The following CDON variants were observed in gnomAD, a reference collection of about 807,000 sequenced individuals.
The protein encoded by CDON is cell adhesion associated, oncogene regulated.
In CDON, 73 loss-of-function variants were observed where a neutral mutation model predicts 120.9. The ratio of observed to expected loss-of-function variants is 0.60; its 90% CI spans 0.50 to 0.73. The LOEUF (loss-of-function observed/expected upper bound fraction) is 0.73, where lower values mean the gene tolerates loss of function less well. Among genes scored for constraint, CDON ranks in the 30% least tolerant of loss-of-function variants. The pLI is 0.00. For missense variants in CDON, 1,470 were observed against 1,587.3 expected (o/e 0.93, Z 1.26); for synonymous variants, 566 against 573.5 (o/e 0.99, Z 0.19).
chr11:125,956,888 G>C lies in CDON; in HGVS notation c.*4054C>G. On this transcript the variant is annotated 3_prime_UTR_variant, in exon 20 of 20. Coordinates refer to ENST00000531738, the MANE Select transcript of CDON (RefSeq NM_001378964.1). ...GGCTACCCTCAAAGCTCTCAGGACTGGGGCTAGGGTTTAAGGAAGGCTTAT... is the reference window on the plus strand; with the variant it reads ...GGCTACCCTCAAAGCTCTCAGGACTCGGGCTAGGGTTTAAGGAAGGCTTAT... 1.0e-6 allele frequency: 1 copy of C among 981,020 alleles called. No homozygotes were observed. Among genetic ancestry groups the C allele is most frequent in the Non-Finnish European group, 1.2e-6 (1 of 825,938 alleles). The allele number at this position is 981,020 out of a possible 1,614,324, so 60.8% of individuals were successfully genotyped here. A position where few individuals can be genotyped will look rare whatever the true frequency, so the allele number is the denominator to read the frequency against.
At chr11:125,972,322 G>A (rs932349495) in intron 18 of CDON, among the ~76,000 whole-genome samples, 2 of 152,106 alleles carry the variant, frequency 1.3e-5, no homozygotes, top group Non-Finnish European at 2.9e-5. Flanking sequence ...CAGCTACTAA[G>A]GAGGCTGAGG....
chr11:126,057,789 C>T (rs184669952), intron 1 of CDON, among the ~76,000 whole-genome samples: 84 of 152,316 alleles, frequency 5.5e-4, no homozygotes, highest in African/African-American at 1.5e-3. Context: ...TATTGTTTCA[C>T]GTGCCCGCAC....
intron 7 of CDON, chr11:126,010,900 C>T: frequency 1.6e-6 from 1 of 630,082 alleles, no homozygotes; most frequent in East Asian, 3.2e-5. Context: ...CTAAACATTT[C>T]CTACGTAAAT....
chr11:126,052,120 CAAAAA>C (rs72072070), intron 1 of CDON, among the ~76,000 whole-genome samples: 7 of 150,956 alleles, frequency 4.6e-5, no homozygotes, highest in African/African-American at 7.4e-5. Flanking sequence ...CAAAACAAAA[CAAAAA>C]AAACTTTAGC....
At chr11:126,055,597 CTA>C (rs1948662253) in intron 1 of CDON, among the ~76,000 whole-genome samples, 1 of 152,140 alleles carries the variant, frequency 6.6e-6, no homozygotes, top group Admixed American at 6.5e-5. Context: ...CTTTCTCCTC[CTA>C]TATGAGTTAT....
rs780791664 is a variant in CDON, at chr11:125,961,093, G to A, written c.3644C>T (p.Ala1215Val). The A allele has an allele frequency of 1.9e-6, 3 of 1,613,734 alleles. No individual in the cohort carries two copies. The highest frequency in any genetic ancestry group is 1.1e-5 in the South Asian group (1 of 90,890). The change falls in exon 20 of 20, where the codon GCC (alanine) becomes GTC (valine). Residue 1215 changes from alanine to valine, a missense_variant. By Grantham distance (64) the Ala-to-Val change is moderately conservative. Coordinates refer to ENST00000531738, the MANE Select transcript of CDON (RefSeq NM_001378964.1). ...PAEFSRGDSC[A>V]HSETEINIVS... Reference sequence around the variant, plus strand: ...AATGTTGATCTCTGTTTCTGAATGGGCACAGCTGTCTCCTGAAACACAGCA... The same window carrying A: ...AATGTTGATCTCTGTTTCTGAATGGACACAGCTGTCTCCTGAAACACAGCA...
At chr11:126,047,091 A>C (rs1280982541) in intron 1 of CDON, among the ~76,000 whole-genome samples, 1 of 152,196 alleles carries the variant, frequency 6.6e-6, no homozygotes, top group Non-Finnish European at 1.5e-5. Flanking sequence ...AAAGAATTCT[A>C]ACAATAGCTA....
At position 125,983,743 on chromosome 11, in the gene CDON, T is replaced by A. The variant is rs1291606370; in HGVS notation, c.2995+129A>T. 12 of 750,096 alleles carry A rather than the reference T, an allele frequency of 1.6e-5. No individual in the cohort carries two copies. The Admixed American group carries it at 2.0e-4, about 13-fold the overall frequency. 46.5% of individuals were successfully genotyped at this position (750,096 alleles called of 1,614,324 possible). A position where few individuals can be genotyped will look rare whatever the true frequency, so the allele number is the denominator to read the frequency against. On this transcript the variant is annotated intron_variant, in intron 16 of 19. Transcript: ENST00000531738. ...CAGTTTTAAAGTCATCTCCTCTGAA[T>A]GAAGAGTATCTAATGTGTTTCATAC...
At chr11:125,981,404 A>ATGTG in intron 16 of CDON, 75 bp from the exon 17 acceptor site, 1 of 1,424,582 alleles carries the variant, frequency 7.0e-7, no homozygotes, top group Non-Finnish European at 9.7e-7. Context: ...GCACACACGC[A>ATGTG]TGCACACATG....
chr11:125,977,428 A>AT (rs921870812), intron 18 of CDON, among the ~76,000 whole-genome samples: 31 of 152,214 alleles, frequency 2.0e-4, no homozygotes, highest in African/African-American at 7.5e-4. Context: ...CTGTTAATCC[A>AT]TTTTAAATAT....
chr11:126,041,194 A>G (rs1406316996), intron 1 of CDON, among the ~76,000 whole-genome samples: 1 of 151,858 alleles, frequency 6.6e-6, no homozygotes, highest in East Asian at 1.9e-4. Flanking sequence ...TGTCTAAAAA[A>G]AAAAAAAAAA....
At chr11:125,970,832 G>A (rs1273320652) in intron 18 of CDON, among the ~76,000 whole-genome samples, 1 of 152,172 alleles carries the variant, frequency 6.6e-6, no homozygotes, top group Admixed American at 6.5e-5. Context: ...CTGACAACAG[G>A]CGCTAGGTCT....
In CDON at chr11:125,981,226, G is replaced by A. The variant is rs202230295; in HGVS notation, c.3099C>T (p.His1033=). 143 of 1,614,140 alleles carry A rather than the reference G, an allele frequency of 8.9e-5. 1 individual carries two copies. The highest frequency in any genetic ancestry group is 8.3e-5 in the Non-Finnish European group (98 of 1,180,010). Residue 1033 remains histidine, a synonymous_variant, in exon 17 of 20, where the codon CAC becomes CAT. Transcript: ENST00000531738. ...SGASQINGNV[H]GGFLTNGGLS... ...GACCGCCATTGGTTAGGAAGCCTCC[G>A]TGAACATTTCCATTTATCTGACTTG...
At chr11:126,017,033 CAGTT>C (rs1166339748) in intron 6 of CDON, 51 bp downstream of exon 6, 7 of 1,387,664 alleles carry the variant, frequency 5.0e-6, no homozygotes, top group African/African-American at 4.3e-5. Context: ...CTTCAGGTAT[CAGTT>C]AGACCAGAAA....
intron 15 of CDON, among the ~76,000 whole-genome samples, 154 bp downstream of exon 15, chr11:125,989,483 T>C (rs965744481): frequency 9.9e-5 from 15 of 151,890 alleles, no homozygotes; most frequent in African/African-American, 3.4e-4. Flanking sequence ...TTGCAGCGAG[T>C]TGAGATTGTA....
chr11:126,056,260 G>A (rs1948677618), intron 1 of CDON, among the ~76,000 whole-genome samples: 1 of 152,138 alleles, frequency 6.6e-6, no homozygotes, highest in African/African-American at 2.4e-5. Flanking sequence ...AACATAATCT[G>A]CATCTTTGAG....
intron 8 of CDON, among the ~76,000 whole-genome samples, chr11:126,008,875 T>A (rs1947207016): frequency 1.3e-5 from 2 of 152,216 alleles, no homozygotes; most frequent in Non-Finnish European, 2.9e-5. Flanking sequence ...CCCTTAACAC[T>A]GCCACAAGAG....
intron 1 of CDON, among the ~76,000 whole-genome samples, chr11:126,052,962 G>C (rs1948602832): frequency 6.6e-6 from 1 of 152,088 alleles, no homozygotes; most frequent in Admixed American, 6.6e-5. Flanking sequence ...CAAATACAGG[G>C]AACTTCAGCA....
intron 18 of CDON, among the ~76,000 whole-genome samples, chr11:125,975,437 TTAAG>T (rs1247738772): frequency 9.6e-5 from 10 of 104,590 alleles, no homozygotes; most frequent in South Asian, 3.1e-4. Flanking sequence ...AGGACTATTA[TTAAG>T]TAATAGGACT....
Sources: allele counts gnomAD v4.1 joint callset (sites outside exome capture counted in the v4.1 genomes callset), GRCh38; gene constraint gnomAD v4.1.1; transcripts MANE v1.5; gene names NCBI Gene and HGNC (gene_info 2026-07-23, HGNC 2026-07-21).